The following KCNU1 variants were observed in gnomAD, a reference collection of about 807,000 sequenced individuals.
KCNU1 encodes the protein potassium channel subfamily U member 1.
Under a neutral mutation model 126.8 loss-of-function variants are expected in KCNU1, and 93 were observed. The ratio of observed to expected loss-of-function variants is 0.73; its 90% CI spans 0.62 to 0.87. The LOEUF is 0.87. Among genes scored for constraint, KCNU1 ranks in the 40% least tolerant of loss-of-function variants. The pLI is 0.00. For missense variants in KCNU1, 1,330 were observed against 1,367.1 expected (o/e 0.97, Z 0.43); for synonymous variants, 523 against 494.2 (o/e 1.06, Z -0.77).
chr8:36,804,244 G>T (rs918843469), intron 3 of KCNU1, among the ~76,000 whole-genome samples, 156 bp downstream of exon 3: 2 of 152,026 alleles, frequency 1.3e-5, no homozygotes, highest in Non-Finnish European at 2.9e-5. Context: ...GCTTCTCCCA[G>T]TAAGCACTAA....
intron 26 of KCNU1, among the ~76,000 whole-genome samples, chr8:36,934,412 C>A (rs1336567805): frequency 6.6e-6 from 1 of 151,982 alleles, no homozygotes; most frequent in Non-Finnish European, 1.5e-5. Context: ...GTACCCACCA[C>A]CAAGACAATG....
chr8:36,835,190 T>G (rs2130552665), intron 12 of KCNU1, among the ~76,000 whole-genome samples: 1 of 152,274 alleles, frequency 6.6e-6, no homozygotes, highest in Non-Finnish European at 1.5e-5. Flanking sequence ...ATAACTAATA[T>G]CCTCTCCTCA....
chr8:36,878,436 A>G (rs559925925), intron 19 of KCNU1, among the ~76,000 whole-genome samples: 1 of 152,178 alleles, frequency 6.6e-6, no homozygotes, highest in Non-Finnish European at 1.5e-5. Context: ...ACCTCTGTAA[A>G]GCAGCAGATG....
chr8:36,844,135 T>C (rs1183135779), intron 16 of KCNU1, among the ~76,000 whole-genome samples: 1 of 152,090 alleles, frequency 6.6e-6, no homozygotes, highest in East Asian at 1.9e-4. Flanking sequence ...TCTCAGCAGT[T>C]TGGGAGGCCG....
chr8:36,861,324 G>T (rs187169565), intron 18 of KCNU1, among the ~76,000 whole-genome samples: 5 of 152,238 alleles, frequency 3.3e-5, no homozygotes, highest in Admixed American at 6.5e-5. Flanking sequence ...ATTTCCAATC[G>T]TTAGCATTAA....
intron 9 of KCNU1, 125 bp from the exon 10 acceptor site, chr8:36,817,525 A>AAAAAAAAC (rs1231898699): frequency 2.2e-6 from 1 of 450,330 alleles, no homozygotes; most frequent in East Asian, 3.9e-5. Context: ...AAAAAAAAAA[A>AAAAAAAAC]TCTGGGTGAT....
intron 3 of KCNU1, 110 bp from the exon 4 acceptor site, chr8:36,805,085 A>G (rs1329068310): frequency 6.0e-6 from 4 of 668,958 alleles, no homozygotes; most frequent in Non-Finnish European, 1.0e-5. Flanking sequence ...AAGTGTCTGG[A>G]TTCATGGTGA....
At chr8:36,888,994 TC>T (rs1419956103) in intron 19 of KCNU1, 1 of 405,174 alleles carries the variant, frequency 2.5e-6, no homozygotes, top group East Asian at 7.1e-5. Flanking sequence ...TTCTCCTGCC[TC>T]AGTCTCTTCA....
chr8:36,915,873 G>T (rs1429829157), intron 22 of KCNU1, among the ~76,000 whole-genome samples: 1 of 151,992 alleles, frequency 6.6e-6, no homozygotes, highest in African/African-American at 2.4e-5. Context: ...TGTAACTGGG[G>T]CGAGGACTGT....
At chr8:36,870,313 T>C (rs1806055626) in intron 19 of KCNU1, among the ~76,000 whole-genome samples, 1 of 152,170 alleles carries the variant, frequency 6.6e-6, no homozygotes, top group Non-Finnish European at 1.5e-5. Context: ...TTTCCAGCCC[T>C]ACATAATTTA....
chr8:36,932,227 C>A lies in KCNU1; in HGVS notation c.2932-693C>A, dbSNP rs528973332. On this transcript the variant is annotated intron_variant, in intron 25 of 26. Coordinates refer to ENST00000399881, the MANE Select transcript of KCNU1 (RefSeq NM_001031836.3). Reference sequence around the variant, plus strand: ...ATTTCCGTAGTCCCGGATTGCTCACCTACAGGTGGACTTGTAAGTGTATAT... The same window carrying A: ...ATTTCCGTAGTCCCGGATTGCTCACATACAGGTGGACTTGTAAGTGTATAT... Among the ~76,000 whole-genome samples, 25 of 152,222 alleles carry A rather than the reference C, an allele frequency of 1.6e-4. No homozygotes were observed. The South Asian group carries it at 3.5e-3, about 21-fold the overall frequency.
chr8:36,876,275 G>C (rs895974334), intron 19 of KCNU1, among the ~76,000 whole-genome samples: 1 of 152,162 alleles, frequency 6.6e-6, no homozygotes, highest in African/African-American at 2.4e-5. Flanking sequence ...GATTCTATCT[G>C]TGTTTCTTTA....
At chr8:36,812,076 A>C (rs978972872) in intron 7 of KCNU1, among the ~76,000 whole-genome samples, 1 of 150,938 alleles carries the variant, frequency 6.6e-6, no homozygotes. Context: ...AAAACAAACA[A>C]CAAAAAAACT....
At chr8:36,799,405 T>G (rs1803221441) in intron 2 of KCNU1, among the ~76,000 whole-genome samples, 1 of 152,126 alleles carries the variant, frequency 6.6e-6, no homozygotes, top group African/African-American at 2.4e-5. Flanking sequence ...CAGGTTAGTT[T>G]TCAGTTCAGG....
chr8:36,890,183 G>A (rs565602075), intron 19 of KCNU1, among the ~76,000 whole-genome samples: 374 of 151,842 alleles, frequency 2.5e-3, no homozygotes, highest in African/African-American at 8.8e-3. Flanking sequence ...CAGGCAGAAG[G>A]AAAATTATAT....
intron 19 of KCNU1, among the ~76,000 whole-genome samples, chr8:36,871,187 A>G (rs929143290): frequency 1.3e-5 from 2 of 152,200 alleles, no homozygotes; most frequent in African/African-American, 4.8e-5. Context: ...TATAAAAACT[A>G]TACTTTTAAT....
chr8:36,801,938 G>A (rs2130393573), intron 2 of KCNU1, among the ~76,000 whole-genome samples: 1 of 151,762 alleles, frequency 6.6e-6, no homozygotes, highest in Middle Eastern at 3.4e-3. Flanking sequence ...GTGAAATCCC[G>A]TCTCTACTAA....
chr8:36,811,055 A>G (rs1803691953), intron 7 of KCNU1, among the ~76,000 whole-genome samples: 1 of 152,162 alleles, frequency 6.6e-6, no homozygotes, highest in African/African-American at 2.4e-5. Flanking sequence ...GCAAAATGTA[A>G]CAAATTTGAC....
intron 19 of KCNU1, among the ~76,000 whole-genome samples, chr8:36,868,378 A>G (rs529919736): frequency 1.3e-5 from 2 of 152,048 alleles, no homozygotes; most frequent in South Asian, 4.2e-4. Flanking sequence ...GCATTTTTGG[A>G]AAAAAAATGT....
Sources: allele counts gnomAD v4.1 joint callset (sites outside exome capture counted in the v4.1 genomes callset), GRCh38; gene constraint gnomAD v4.1.1; transcripts MANE v1.5; gene names NCBI Gene and HGNC (gene_info 2026-07-23, HGNC 2026-07-21).